The following LTBP1 variants were observed in gnomAD, a reference collection of about 807,000 sequenced individuals.
LTBP1 encodes the protein latent transforming growth factor beta binding protein 1, also known as latent-transforming growth factor beta-binding protein 1.
LTBP1 carries 129 observed loss-of-function variants against 207.6 expected under a neutral mutation model. That is an observed-to-expected ratio of 0.62 (90% CI 0.54 to 0.72). The LOEUF (loss-of-function observed/expected upper bound fraction) is 0.72. Ranked by LOEUF, LTBP1 falls within the 30% of genes least tolerant of loss-of-function variation. The pLI is 0.00. For synonymous variants in LTBP1, 963 were observed against 833.7 expected, an observed-to-expected ratio of 1.16 and a Z score of -2.67; for missense variants, 2,281 against 2,217.2, an observed-to-expected ratio of 1.03 and a Z score of -0.58.
intron 24 of LTBP1, among the ~76,000 whole-genome samples, chr2:33,325,279 C>A (rs1285826115): frequency 6.6e-6 from 1 of 152,106 alleles, no homozygotes; most frequent in Non-Finnish European, 1.5e-5. Context: ...TATAACTGAT[C>A]TTTCTTGGCC....
At chr2:33,309,307 T>G in intron 22 of LTBP1, 127 bp from the exon 23 acceptor site, 1 of 601,882 alleles carries the variant, frequency 1.7e-6, no homozygotes, top group Non-Finnish European at 2.6e-6. Flanking sequence ...AGTTAAAAAG[T>G]TGTCATGTAT....
In LTBP1 at chr2:33,398,500, G is replaced by A. The variant is rs138835287; in HGVS notation, c.5121G>A (p.Pro1707=). The A allele has an allele frequency of 8.8e-4, 1,421 of 1,614,150 alleles. No individual in the cohort carries two copies. Among genetic ancestry groups the A allele is most frequent in the Non-Finnish European group, 1.1e-3 (1,316 of 1,179,984 alleles). Residue 1707 remains proline (P), a synonymous_variant, in exon 34 of 34, where the codon CCG becomes CCA. Coordinates refer to ENST00000404816, the MANE Select transcript of LTBP1 (RefSeq NM_206943.4). ...VPSDKPNYCT[P]LNTALNLEKD... is the part of the protein sequence containing the mutation. ...CTGACAAGCCAAACTACTGCACTCC[G>A]TTGAATACCGCCTTGAATTTAGAGA... is the stretch of plus-strand genomic sequence containing the variant.
intron 3 of LTBP1, among the ~76,000 whole-genome samples, chr2:33,071,769 G>A (rs368929): frequency 0.89 from 135,102 of 152,104 alleles, 61,889 homozygotes; most frequent in East Asian, 1. Context: ...ATCACGGGTC[G>A]TCTGGGGATT....
At chr2:33,380,818 C>T (rs961384300) in intron 31 of LTBP1, among the ~76,000 whole-genome samples, 4 of 152,092 alleles carry the variant, frequency 2.6e-5, no homozygotes, top group South Asian at 2.1e-4. Flanking sequence ...ACTACGTTGA[C>T]GATGTAATGC....
At chr2:33,065,237 T>G (rs1413231875) in intron 3 of LTBP1, among the ~76,000 whole-genome samples, 1 of 152,178 alleles carries the variant, frequency 6.6e-6, no homozygotes, top group Non-Finnish European at 1.5e-5. Flanking sequence ...TTTTAAATGT[T>G]AAACCAACCT....
At chr2:33,140,883 G>A (rs1372903353) in intron 5 of LTBP1, among the ~76,000 whole-genome samples, 1 of 152,008 alleles carries the variant, frequency 6.6e-6, no homozygotes, top group East Asian at 1.9e-4. Flanking sequence ...TGGCCAGGCT[G>A]GTCTTGAACT....
At chr2:33,071,784 T>A (rs1256826589) in intron 3 of LTBP1, among the ~76,000 whole-genome samples, 1 of 152,194 alleles carries the variant, frequency 6.6e-6, no homozygotes, top group Non-Finnish European at 1.5e-5. Context: ...GGGATTCTTC[T>A]TTATGTCATT....
rs1462394291 is a variant in LTBP1 at position 33,389,180 on chromosome 2, T to G, written c.4712-4T>G. The G allele has an allele frequency of 6.2e-7, 1 of 1,614,082 alleles. No homozygotes were observed. The highest frequency in any genetic ancestry group is 8.5e-7 in the Non-Finnish European group (1 of 1,180,006). ...GGGCCTCATGCTGCTTGTCTACTCCTTAGATGACTATGCTCAGCTGTGTAA... is the reference window on the plus strand; with the variant it reads ...GGGCCTCATGCTGCTTGTCTACTCCGTAGATGACTATGCTCAGCTGTGTAA... On this transcript the variant is annotated splice_polypyrimidine_tract_variant and splice_region_variant and intron_variant, in intron 31 of 33. Transcript: ENST00000404816.
At chr2:33,172,128 A>T (rs375502342) in intron 5 of LTBP1, among the ~76,000 whole-genome samples, 1 of 152,110 alleles carries the variant, frequency 6.6e-6, no homozygotes, top group South Asian at 2.1e-4. Flanking sequence ...GCTAACATCA[A>T]AATGACAGGA....
rs144870516 is a variant in LTBP1 at position 33,031,964 on chromosome 2, G to A, written c.863+10758G>A. On this transcript the variant is annotated intron_variant, in intron 3 of 33. Coordinates refer to ENST00000404816, the MANE Select transcript of LTBP1 (RefSeq NM_206943.4). ...TGCTGGGCAGATGAGAGAGAGGGAGGCCTAGAGGAGCTGGCCCTGTGGAGT... is the reference window on the plus strand; with the variant it reads ...TGCTGGGCAGATGAGAGAGAGGGAGACCTAGAGGAGCTGGCCCTGTGGAGT... 7.0e-4 allele frequency among the ~76,000 whole-genome samples: 106 copies of A among 152,228 alleles called. 1 individual carries two copies. Among genetic ancestry groups the A allele is most frequent in the African/African-American group, 2.4e-3 (101 of 41,544 alleles).
At chr2:33,139,013 C>T (rs563869435) in intron 5 of LTBP1, among the ~76,000 whole-genome samples, 16 of 151,104 alleles carry the variant, frequency 1.1e-4, no homozygotes, top group Admixed American at 7.9e-4. Context: ...CGCCCGCTAC[C>T]ACGCCCGGCT....
At chr2:33,237,992 G>A (rs1263749177) in intron 9 of LTBP1, among the ~76,000 whole-genome samples, 1 of 152,088 alleles carries the variant, frequency 6.6e-6, no homozygotes, top group East Asian at 1.9e-4. Flanking sequence ...ATATCTTCAT[G>A]TTCCTTCGTG....
intron 24 of LTBP1, among the ~76,000 whole-genome samples, chr2:33,328,592 C>G (rs2094457930): frequency 6.6e-6 from 1 of 152,156 alleles, no homozygotes; most frequent in African/African-American, 2.4e-5. Context: ...AAAAAATCAT[C>G]AGGTCTCATG....
At chr2:33,096,547 A>G (rs1463145005) in intron 3 of LTBP1, among the ~76,000 whole-genome samples, 1 of 152,216 alleles carries the variant, frequency 6.6e-6, no homozygotes, top group Non-Finnish European at 1.5e-5. Context: ...TATCCTGACA[A>G]GAACGACAAC....
intron 3 of LTBP1, among the ~76,000 whole-genome samples, chr2:33,073,288 T>G (rs547112033): frequency 0.028 from 4,271 of 150,812 alleles, 74 homozygotes; most frequent in African/African-American, 0.037. Flanking sequence ...TTTTTTTTGT[T>G]TTTGTTTTTT....
intron 2 of LTBP1, among the ~76,000 whole-genome samples, chr2:32,965,883 G>A (rs1438177197): frequency 6.6e-6 from 1 of 152,178 alleles, no homozygotes; most frequent in Non-Finnish European, 1.5e-5. Flanking sequence ...AGTATGTTTA[G>A]TTTGGTAAGA....
chr2:33,263,752 G>C (rs2093088550), intron 15 of LTBP1, among the ~76,000 whole-genome samples: 1 of 151,904 alleles, frequency 6.6e-6, no homozygotes, highest in Admixed American at 6.6e-5. Flanking sequence ...AAGAGATCGA[G>C]ACCATCCTGG....
intron 9 of LTBP1, among the ~76,000 whole-genome samples, chr2:33,233,437 C>G (rs2091895281): frequency 6.6e-6 from 1 of 152,058 alleles, no homozygotes; most frequent in Non-Finnish European, 1.5e-5. Flanking sequence ...TTAAGGTATG[C>G]TAAAAATCCT....
chr2:33,365,355 C>T lies in LTBP1; in HGVS notation c.4563C>T (p.Val1521=). The part of the protein sequence containing the change: ...ESNEQIEETD[V]YQDLCWEHLS... ...CAGAACAAATAGAAGAAACTGATGT[C>T]TACCAAGATTTGTGCTGGGAACATC... The change falls in exon 31 of 34, where the codon GTC becomes GTT. Residue 1521 remains valine (V), a synonymous_variant. Coordinates refer to ENST00000404816, the MANE Select transcript of LTBP1 (RefSeq NM_206943.4). 6.2e-7 allele frequency: 1 copy of T among 1,614,148 alleles called. No individual in the cohort carries two copies. The highest frequency in any genetic ancestry group is 1.1e-5 in the South Asian group (1 of 91,074).
Sources: gnomAD v4.1 joint callset for allele counts (sites outside exome capture counted in the v4.1 genomes callset) on GRCh38, gnomAD v4.1.1 for gene constraint, MANE v1.5 for transcripts, NCBI Gene and HGNC (gene_info 2026-07-23, HGNC 2026-07-21) for gene names.